The following SLC25A13 variants were observed in gnomAD, a reference collection of about 807,000 sequenced individuals.
SLC25A13 encodes solute carrier family 25 member 13.
A neutral mutation model predicts 85.5 loss-of-function variants in SLC25A13; 70 were observed. That is an observed-to-expected ratio of 0.82 (90% CI 0.68 to 1.00). SLC25A13 has a LOEUF of 1.00. Ranked by LOEUF, SLC25A13 falls within the 50% of genes least tolerant of loss-of-function variation. The probability of loss-of-function intolerance (pLI) is 0.00; values close to 1 mark genes in which losing one functional copy is unlikely to be tolerated. For missense variants in SLC25A13, 765 were observed against 819.8 expected, an observed-to-expected ratio of 0.93 and a Z score of 0.82; for synonymous variants, 259 against 288.7, an observed-to-expected ratio of 0.90 and a Z score of 1.04.
intron 1 of SLC25A13, among the ~76,000 whole-genome samples, chr7:96,314,143 G>A (rs1800047332): frequency 6.6e-6 from 1 of 151,976 alleles, no homozygotes; most frequent in Non-Finnish European, 1.5e-5. Flanking sequence ...GGAGGAGAAA[G>A]GATGAAGGAC....
chr7:96,245,620 T>C lies in SLC25A13; in HGVS notation c.213-10703A>G, dbSNP rs1270042668. ...CAACACTGAGAGCAGAATTTAATAA[T>C]GTGCATGACAAATAGTCTGCATTTT... On this transcript the variant is annotated intron_variant, in intron 3 of 17. Transcript: ENST00000265631. Among the ~76,000 whole-genome samples, 5 of 152,356 alleles carry C rather than the reference T, an allele frequency of 3.3e-5. No individual in the cohort carries two copies. The South Asian group carries it at 8.3e-4, about 25-fold the overall frequency.
intron 5 of SLC25A13, among the ~76,000 whole-genome samples, chr7:96,207,238 A>C (rs1041219432): frequency 5.9e-5 from 9 of 152,224 alleles, no homozygotes; most frequent in Non-Finnish European, 1.2e-4. Context: ...AGCAAACTAG[A>C]CAGCAGGACA....
intron 2 of SLC25A13, among the ~76,000 whole-genome samples, chr7:96,278,546 T>A (rs1798546073): frequency 6.6e-6 from 1 of 152,222 alleles, no homozygotes; most frequent in Non-Finnish European, 1.5e-5. Flanking sequence ...TAACTAAAGC[T>A]TTTGGTACCT....
chr7:96,149,368 A>C (rs1234399847), intron 13 of SLC25A13, among the ~76,000 whole-genome samples: 2 of 152,188 alleles, frequency 1.3e-5, no homozygotes, highest in African/African-American at 4.8e-5. Flanking sequence ...ATTATCTCTT[A>C]TCTTTACTAA....
chr7:96,265,755 T>G (rs375437274), intron 3 of SLC25A13, among the ~76,000 whole-genome samples: 7 of 152,190 alleles, frequency 4.6e-5, no homozygotes, highest in African/African-American at 1.7e-4. Context: ...CAGGTTATTA[T>G]AACAAAATAT....
At chr7:96,178,915 A>AC (rs552161298) in intron 11 of SLC25A13, among the ~76,000 whole-genome samples, 324 of 152,244 alleles carry the variant, frequency 2.1e-3, no homozygotes, top group Middle Eastern at 6.8e-3. Flanking sequence ...TTGGGCTGCT[A>AC]CCCCAAGGTG....
At chr7:96,279,570 G>A (rs1798590059) in intron 2 of SLC25A13, among the ~76,000 whole-genome samples, 1 of 152,008 alleles carries the variant, frequency 6.6e-6, no homozygotes, top group Non-Finnish European at 1.5e-5. Flanking sequence ...ACTACTACGA[G>A]AACAGTATGA....
At chr7:96,133,507 AAG>A (rs1373219966) in intron 14 of SLC25A13, among the ~76,000 whole-genome samples, 1 of 152,188 alleles carries the variant, frequency 6.6e-6, no homozygotes, top group East Asian at 1.9e-4. Context: ...TCAATACTCT[AAG>A]AGTTTTTTCC....
intron 13 of SLC25A13, among the ~76,000 whole-genome samples, chr7:96,151,095 T>G (rs758629446): frequency 6.6e-6 from 1 of 152,066 alleles, no homozygotes; most frequent in Non-Finnish European, 1.5e-5. Context: ...ACAGTGTGAT[T>G]AGGATTTTGG....
intron 2 of SLC25A13, among the ~76,000 whole-genome samples, chr7:96,288,532 G>A (rs1026776888): frequency 2.0e-5 from 3 of 152,200 alleles, no homozygotes; most frequent in Non-Finnish European, 2.9e-5. Context: ...AAGGGAAGGG[G>A]TAACAGACGG....
chr7:96,317,289 C>A (rs1800167038), intron 1 of SLC25A13, among the ~76,000 whole-genome samples: 1 of 152,006 alleles, frequency 6.6e-6, no homozygotes, highest in Admixed American at 6.6e-5. Context: ...TCTTAGGCCA[C>A]TAACATCACC....
chr7:96,217,316 C>T (rs1186804446), intron 4 of SLC25A13, among the ~76,000 whole-genome samples: 2 of 152,178 alleles, frequency 1.3e-5, no homozygotes, highest in Non-Finnish European at 2.9e-5. Context: ...CTTTGGAAAA[C>T]AGTCTGGCAG....
chr7:96,225,645 T>C (rs1046793747), intron 4 of SLC25A13, among the ~76,000 whole-genome samples: 6 of 151,946 alleles, frequency 3.9e-5, no homozygotes, highest in African/African-American at 1.2e-4. Context: ...CCACTGTTTG[T>C]GGCACTTCCA....
At chr7:96,224,823 T>G (rs1223701883) in intron 4 of SLC25A13, among the ~76,000 whole-genome samples, 2 of 152,180 alleles carry the variant, frequency 1.3e-5, no homozygotes, top group African/African-American at 2.4e-5. Flanking sequence ...GACACCTATC[T>G]GGATTACAGT....
chr7:96,165,489 G>C (rs13241748), intron 13 of SLC25A13, among the ~76,000 whole-genome samples: 1 of 151,982 alleles, frequency 6.6e-6, no homozygotes. Context: ...AGTATCTGCC[G>C]CATTCCAACA....
chr7:96,222,506 C>T (rs574619836), intron 4 of SLC25A13, among the ~76,000 whole-genome samples: 1 of 152,280 alleles, frequency 6.6e-6, no homozygotes, highest in South Asian at 2.1e-4. Context: ...AGTGTGGTGG[C>T]ACGATCTCGG....
At chr7:96,244,861 T>C (rs548623155) in intron 3 of SLC25A13, among the ~76,000 whole-genome samples, 18 of 152,346 alleles carry the variant, frequency 1.2e-4, no homozygotes, top group African/African-American at 3.8e-4. Flanking sequence ...AAAAACCTAT[T>C]AAAGATTTTT....
intron 3 of SLC25A13, among the ~76,000 whole-genome samples, chr7:96,239,606 A>C (rs1309551921): frequency 6.6e-6 from 1 of 152,128 alleles, no homozygotes; most frequent in African/African-American, 2.4e-5. Flanking sequence ...CTAGAATCTA[A>C]GGAACAGTAT....
intron 1 of SLC25A13, among the ~76,000 whole-genome samples, chr7:96,311,726 TGAAGA>T (rs1274406381): frequency 6.6e-6 from 1 of 151,942 alleles, no homozygotes; most frequent in Non-Finnish European, 1.5e-5. Context: ...TTCTGAAAAC[TGAAGA>T]GAAGAACTCA....
Sources: allele counts gnomAD v4.1 joint callset (sites outside exome capture counted in the v4.1 genomes callset), GRCh38; gene constraint gnomAD v4.1.1; transcripts MANE v1.5; gene names NCBI Gene and HGNC (gene_info 2026-07-23, HGNC 2026-07-21).